The following USP16 variants were observed in gnomAD, a reference collection of about 807,000 sequenced individuals.
USP16 encodes ubiquitin carboxyl-terminal hydrolase 16.
USP16 carries 77 observed loss-of-function variants against 95.9 expected under a neutral mutation model. The observed-to-expected ratio is 0.80, with a 90% CI of 0.67 to 0.97. The LOEUF is 0.97. Ranked by LOEUF, USP16 falls within the 50% of genes least tolerant of loss-of-function variation. USP16 has a pLI of 0.00. For missense variants in USP16, 943 were observed against 959.9 expected (o/e 0.98, Z 0.23); for synonymous variants, 303 against 318.2 (o/e 0.95, Z 0.51).
chr21:29,053,574 G>A (rs2085448747), intron 16 of USP16: 1 of 436,454 alleles, frequency 2.3e-6, no homozygotes, highest in Non-Finnish European at 4.0e-6. Flanking sequence ...TGCATCAAGT[G>A]GCCTGTGGCT....
intron 10 of USP16, among the ~76,000 whole-genome samples, chr21:29,041,066 C>T (rs1180039628): frequency 6.6e-6 from 1 of 152,134 alleles, no homozygotes; most frequent in Non-Finnish European, 1.5e-5. Flanking sequence ...GTAGAACTTC[C>T]TATGTTGATG....
At chr21:29,050,865 G>C (rs535909691) in intron 16 of USP16, among the ~76,000 whole-genome samples, 1 of 152,322 alleles carries the variant, frequency 6.6e-6, no homozygotes, top group African/African-American at 2.4e-5. Flanking sequence ...GGCATGGTCA[G>C]ATCTTCATAT....
chr21:29,034,113 G>T (rs2085117057), intron 3 of USP16, among the ~76,000 whole-genome samples: 1 of 152,142 alleles, frequency 6.6e-6, no homozygotes, highest in Non-Finnish European at 1.5e-5. Context: ...CATAATTTTT[G>T]AATGGTGTAT....
At chr21:29,048,656 T>C (rs2085366904) in intron 14 of USP16, 105 bp from the exon 15 acceptor site, 4 of 872,826 alleles carry the variant, frequency 4.6e-6, no homozygotes, top group Non-Finnish European at 5.2e-6. Context: ...AGAAAAAGTT[T>C]ACTGATCCTT....
chr21:29,031,766 A>G lies in USP16; in HGVS notation c.240+993A>G, dbSNP rs192820343. Among the ~76,000 whole-genome samples, 9 of 152,242 alleles carry G rather than the reference A, an allele frequency of 5.9e-5. No homozygotes were observed. In the East Asian group the frequency reaches 1.7e-3, roughly 29 times the overall value. ...GATTTTTTGTTTTTTCACGTTTTCA[A>G]ATTGAAAATCTTATTGAGGTTATTA... On this transcript the variant is annotated intron_variant, in intron 3 of 17. Coordinates refer to ENST00000399976, the MANE Select transcript of USP16 (RefSeq NM_006447.3).
At chr21:29,043,311 A>G (rs969050252) in intron 12 of USP16, 112 bp from the exon 13 acceptor site, 1 of 782,628 alleles carries the variant, frequency 1.3e-6, no homozygotes, top group Non-Finnish European at 1.8e-6. Context: ...ATTGTGGAAA[A>G]AAAAAGCTAA....
At chr21:29,031,802 G>T (rs566495438) in intron 3 of USP16, among the ~76,000 whole-genome samples, 1 of 152,252 alleles carries the variant, frequency 6.6e-6, no homozygotes, top group East Asian at 1.9e-4. Context: ...TAGATCATGT[G>T]CAGATCTAAC....
Position 29,024,713 on chromosome 21 carries a change from G to A in USP16, c.-106G>A, listed in dbSNP as rs1330360672. The stretch of plus-strand genomic sequence containing the variant: ...GCTCTCAATTCGTCACCAGGAGGAA[G>A]ACGGAGCTGGCTGCCCAGCCCAAAG... On this transcript the variant is annotated 5_prime_UTR_variant, in exon 1 of 18. Transcript: ENST00000399976. The A allele has an allele frequency of 3.9e-6, 5 of 1,289,318 alleles. No homozygotes were observed. In the African/African-American group the frequency reaches 6.1e-5, roughly 16 times the overall value. 79.9% of individuals were successfully genotyped at this position (1,289,318 alleles called of 1,614,324 possible).
At chr21:29,027,257 A>G (rs2085006161) in intron 1 of USP16, among the ~76,000 whole-genome samples, 1 of 152,206 alleles carries the variant, frequency 6.6e-6, no homozygotes, top group Non-Finnish European at 1.5e-5. Flanking sequence ...CAATAATATA[A>G]TAATGTAAAT....
At chr21:29,049,131 A>G (rs1418149604) in intron 15 of USP16, among the ~76,000 whole-genome samples, 1 of 152,178 alleles carries the variant, frequency 6.6e-6, no homozygotes, top group Non-Finnish European at 1.5e-5. Flanking sequence ...AAAAAAGAAA[A>G]AGACTGGTGT....
At position 29,048,851 on chromosome 21, in the gene USP16, A is replaced by C; in HGVS notation, c.2102A>C (p.Gln701Pro). ...CTTACTCTTCATTTAAAGAGATTTC[A>C]GCAGGTACTCCTTGTTACCCAAAAT... ...PVLTLHLKRF[Q>P]QAGFNLRKVN... The change falls in exon 15 of 18, where the codon CAG becomes CCG. Residue 701 changes from glutamine (Q) to proline (P), a missense_variant. Gln to Pro is a moderately conservative substitution (Grantham distance 76). Transcript: ENST00000399976. The C allele has an allele frequency of 6.2e-7, 1 of 1,612,172 alleles. No individual in the cohort carries two copies. The highest frequency in any genetic ancestry group is 8.5e-7 in the Non-Finnish European group (1 of 1,179,248).
intron 10 of USP16, 84 bp from the exon 11 acceptor site, chr21:29,041,929 A>G: frequency 1.9e-6 from 2 of 1,046,622 alleles, no homozygotes; most frequent in East Asian, 2.9e-5. Flanking sequence ...TTTTAGAGTT[A>G]GATAGGTAAG....
chr21:29,043,317 G>A (rs2085272226), intron 12 of USP16, 106 bp from the exon 13 acceptor site: 2 of 805,548 alleles, frequency 2.5e-6, no homozygotes, highest in Non-Finnish European at 3.4e-6. Context: ...GAAAAAAAAA[G>A]CTAATACATA....
intron 1 of USP16, among the ~76,000 whole-genome samples, chr21:29,026,381 G>A (rs1194186626): frequency 6.0e-5 from 9 of 150,736 alleles, no homozygotes; most frequent in Non-Finnish European, 1.2e-4. Context: ...ACTTGAACCC[G>A]GGCGGCAGAG....
intron 16 of USP16, among the ~76,000 whole-genome samples, chr21:29,051,573 G>A (rs2085414585): frequency 6.6e-6 from 1 of 152,234 alleles, no homozygotes; most frequent in South Asian, 2.1e-4. Context: ...GCTTACGCCT[G>A]TAATGCCAAC....
At chr21:29,027,124 A>G (rs1325351888) in intron 1 of USP16, among the ~76,000 whole-genome samples, 1 of 152,196 alleles carries the variant, frequency 6.6e-6, no homozygotes, top group African/African-American at 2.4e-5. Flanking sequence ...ATTCTATATA[A>G]TTAGGTAGAC....
At chr21:29,048,317 A>C (rs904317577) in intron 14 of USP16, among the ~76,000 whole-genome samples, 29 of 152,046 alleles carry the variant, frequency 1.9e-4, no homozygotes, top group African/African-American at 6.0e-4. Flanking sequence ...TCCTAACCTC[A>C]AGTGATTTGC....
intron 10 of USP16, among the ~76,000 whole-genome samples, chr21:29,041,130 G>A (rs570121998): frequency 7.5e-4 from 114 of 152,062 alleles, no homozygotes; most frequent in Non-Finnish European, 6.9e-4. Flanking sequence ...CACGTGTGGC[G>A]CCTGAAATGT....
chr21:29,054,113 C>T lies in USP16; in HGVS notation c.2398C>T (p.His800Tyr). 1.2e-6 allele frequency: 2 copies of T among 1,614,250 alleles called. No individual in the cohort carries two copies. Among genetic ancestry groups the T allele is most frequent in the East Asian group, 2.2e-5 (1 of 44,886 alleles). ...KGQWFHISDT[H>Y]VQAVPTTKVL... is the part of the protein sequence containing the mutation. ...GCAGTGGTTTCACATCAGCGACACA[C>T]ATGTGCAAGCTGTGCCTACAACTAA... Residue 800 changes from histidine (H) to tyrosine (Y), a missense_variant, in exon 18 of 18, where the codon CAT (histidine) becomes TAT (tyrosine). His to Tyr is a moderately conservative substitution (Grantham distance 83, BLOSUM62 2). Transcript: ENST00000399976.
Sources: allele counts gnomAD v4.1 joint callset (sites outside exome capture counted in the v4.1 genomes callset), GRCh38; gene constraint gnomAD v4.1.1; transcripts MANE v1.5; gene names NCBI Gene and HGNC (gene_info 2026-07-23, HGNC 2026-07-21).